Variants in DBX2 observed in about 807,000 individuals in gnomAD.
The protein encoded by DBX2 is homeobox protein DBX2.
Under a neutral mutation model 17.7 loss-of-function variants are expected in DBX2, and 16 were observed. That is an observed-to-expected ratio of 0.90 (90% CI 0.61 to 1.37). The LOEUF is 1.37. Ranked by LOEUF, DBX2 falls within the 40% of genes most tolerant of loss-of-function variation. The pLI is 0.00. For synonymous variants in DBX2, 255 were observed against 183.8 expected (o/e 1.39, Z -3.13); for missense variants, 538 against 433.8 (o/e 1.24, Z -2.13).
intron 3 of DBX2, among the ~76,000 whole-genome samples, chr12:45,020,708 A>T (rs998871537): frequency 6.7e-6 from 1 of 149,688 alleles, no homozygotes. Context: ...CACACACACA[A>T]TTCTCAGCTT....
At chr12:45,039,277 GTATATA>G (rs58371508) in intron 1 of DBX2, among the ~76,000 whole-genome samples, 3,475 of 89,666 alleles carry the variant, frequency 0.039, 49 homozygotes, top group Non-Finnish European at 0.043. Flanking sequence ...TGCATTGAAG[GTATATA>G]TATATATATA....
rs536802882 is a variant in DBX2 at position 45,039,268 on chromosome 12, G to T, written c.404-3154C>A. Among the ~76,000 whole-genome samples, 7 of 111,694 alleles carry T rather than the reference G, an allele frequency of 6.3e-5. No individual in the cohort carries two copies. The East Asian group carries it at 2.2e-3, about 35-fold the overall frequency. 73.3% of individuals were successfully genotyped at this position (111,694 alleles called of 152,430 possible). A position where few individuals can be genotyped will look rare whatever the true frequency, so the allele number is the denominator to read the frequency against. On this transcript the variant is annotated intron_variant, in intron 1 of 3. Transcript: ENST00000332700. Reference sequence around the variant, plus strand: ...AAATCACCATTTAAAACAATGCACTGCATTGAAGGTATATATATATATATA... The same window carrying T: ...AAATCACCATTTAAAACAATGCACTTCATTGAAGGTATATATATATATATA...
At chr12:45,044,530 T>C (rs953127986) in intron 1 of DBX2, among the ~76,000 whole-genome samples, 2 of 152,176 alleles carry the variant, frequency 1.3e-5, no homozygotes, top group South Asian at 2.1e-4. Context: ...AAGGTTGTTA[T>C]GGCATGGTCC....
chr12:45,043,868 A>G (rs909747015), intron 1 of DBX2, among the ~76,000 whole-genome samples: 1 of 152,162 alleles, frequency 6.6e-6, no homozygotes, highest in African/African-American at 2.4e-5. Flanking sequence ...CTTTTGAGGT[A>G]TGTGCTTTAA....
chr12:45,040,583 C>A (rs1228287801), intron 1 of DBX2, among the ~76,000 whole-genome samples: 1 of 152,050 alleles, frequency 6.6e-6, no homozygotes, highest in East Asian at 1.9e-4. Context: ...TTCCGTATGA[C>A]TTATTTGAAG....
At chr12:45,039,155 CT>C (rs34579445) in intron 1 of DBX2, among the ~76,000 whole-genome samples, 83 of 143,976 alleles carry the variant, frequency 5.8e-4, no homozygotes, top group South Asian at 6.5e-4. Context: ...CAATTAAGTG[CT>C]TTTTTTTTTT....
chr12:45,018,361 T>C (rs956940555), intron 3 of DBX2, among the ~76,000 whole-genome samples: 3 of 152,072 alleles, frequency 2.0e-5, no homozygotes, highest in Non-Finnish European at 4.4e-5. Context: ...ATAAAAGGAG[T>C]TTCCTCACAA....
At chr12:45,020,690 TACAC>T (rs1555141173) in intron 3 of DBX2, among the ~76,000 whole-genome samples, 1 of 148,438 alleles carries the variant, frequency 6.7e-6, no homozygotes, top group Non-Finnish European at 1.5e-5. Context: ...TATATATATA[TACAC>T]ACACACACAC....
At chr12:45,018,429 A>T (rs964415177) in intron 3 of DBX2, among the ~76,000 whole-genome samples, 2 of 152,170 alleles carry the variant, frequency 1.3e-5, no homozygotes, top group African/African-American at 4.8e-5. Flanking sequence ...CTACCTCTCA[A>T]GAAATGCAAA....
chr12:45,034,001 A>C (rs937323393), intron 2 of DBX2, among the ~76,000 whole-genome samples: 1 of 152,108 alleles, frequency 6.6e-6, no homozygotes, highest in African/African-American at 2.4e-5. Context: ...CTTTAGCATT[A>C]CTTTTACATG....
At chr12:45,045,847 C>A (rs1240521576) in intron 1 of DBX2, among the ~76,000 whole-genome samples, 1 of 152,088 alleles carries the variant, frequency 6.6e-6, no homozygotes, top group East Asian at 1.9e-4. Flanking sequence ...TGTAGCATAA[C>A]CCTGAACACT....
Position 45,050,643 on chromosome 12 carries a change from G to A in DBX2, c.285C>T (p.Ala95=), listed in dbSNP as rs1055830362. 5 of 1,549,898 alleles carry A rather than the reference G, an allele frequency of 3.2e-6. No individual in the cohort carries two copies. In the African/African-American group the frequency reaches 4.1e-5, roughly 13 times the overall value. ...CCCACCGCGTTCCGTAGGGCGCCCC[G>A]GCGGGGCTAACTTGTTCGGCTGCGG... ...LCPAAEQVSP[A]GAPYGTRWAF... Residue 95 remains alanine, a synonymous_variant, in exon 1 of 4, where the codon GCC becomes GCT. Transcript: ENST00000332700.
At chr12:45,030,351 A>G (rs1946403059) in intron 2 of DBX2, among the ~76,000 whole-genome samples, 1 of 152,234 alleles carries the variant, frequency 6.6e-6, no homozygotes, top group African/African-American at 2.4e-5. Context: ...AGCATCTGAT[A>G]CTGTGAACAG....
intron 1 of DBX2, among the ~76,000 whole-genome samples, chr12:45,038,209 C>T (rs1223982767): frequency 6.6e-6 from 1 of 151,764 alleles, no homozygotes; most frequent in Non-Finnish European, 1.5e-5. Context: ...TCAAGCATTT[C>T]TGTTAGCTAA....
rs1208334976 is a variant in DBX2 at position 45,043,111 on chromosome 12, C to T, written c.404-6997G>A. ...GATTAATTCCTGCATTGGTCTACTC[C>T]AGCAGAAGACAGACCTAGCAGGAAG... On this transcript the variant is annotated intron_variant, in intron 1 of 3. Transcript: ENST00000332700. 2.0e-5 allele frequency among the ~76,000 whole-genome samples: 3 copies of T among 152,168 alleles called. No homozygotes were observed. The East Asian group carries it at 5.8e-4, about 29-fold the overall frequency.
At chr12:45,044,640 C>A (rs149995974) in intron 1 of DBX2, among the ~76,000 whole-genome samples, 10 of 152,184 alleles carry the variant, frequency 6.6e-5, no homozygotes, top group African/African-American at 2.4e-4. Flanking sequence ...AAAGACGCAA[C>A]CTTTTTGTTT....
chr12:45,018,928 G>A (rs1946337168), intron 3 of DBX2, among the ~76,000 whole-genome samples: 1 of 151,892 alleles, frequency 6.6e-6, no homozygotes, highest in Non-Finnish European at 1.5e-5. Context: ...TCATATGAGA[G>A]CCTTAGAATA....
In DBX2 at chr12:45,051,017, G is replaced by T; in HGVS notation, c.-90C>A. 1 of 1,300,640 alleles carries T rather than the reference G, an allele frequency of 7.7e-7. No individual in the cohort carries two copies. Among genetic ancestry groups the T allele is most frequent in the Non-Finnish European group, 9.7e-7 (1 of 1,027,332 alleles). 80.6% of individuals were successfully genotyped at this position (1,300,640 alleles called of 1,614,324 possible). ...ACCGCACCCAGAGCCGCAGCTTCTC[G>T]CCGCCGCCTCCCGCAGGGCTGGAGC... On this transcript the variant is annotated 5_prime_UTR_variant, in exon 1 of 4. Coordinates refer to ENST00000332700, the MANE Select transcript of DBX2 (RefSeq NM_001004329.3).
chr12:45,022,296 C>CTTTTTT (rs1592750969), intron 3 of DBX2, among the ~76,000 whole-genome samples: 7 of 91,272 alleles, frequency 7.7e-5, no homozygotes, highest in African/African-American at 3.1e-4. Context: ...CCAATAATAA[C>CTTTTTT]TGTTTTTTTT....
Sources: gnomAD v4.1 joint callset for allele counts (sites outside exome capture counted in the v4.1 genomes callset) on GRCh38, gnomAD v4.1.1 for gene constraint, MANE v1.5 for transcripts, NCBI Gene and HGNC (gene_info 2026-07-23, HGNC 2026-07-21) for gene names.